Variants in TMEM131L observed in about 807,000 individuals in gnomAD.
The protein encoded by TMEM131L is transmembrane protein 131-like.
A neutral mutation model predicts 192.2 loss-of-function variants in TMEM131L; 54 were observed. The ratio of observed to expected loss-of-function variants is 0.28; its 90% CI spans 0.23 to 0.35. The LOEUF is 0.35. Among genes scored for constraint, TMEM131L ranks in the 10% least tolerant of loss-of-function variants. TMEM131L has a pLI of 1.00. For synonymous variants in TMEM131L, 701 were observed against 704.9 expected (o/e 0.99, Z 0.09); for missense variants, 1,888 against 1,972.9 (o/e 0.96, Z 0.82).
At chr4:153,583,419 G>T in intron 10 of TMEM131L, 145 bp from the exon 11 acceptor site, 1 of 759,954 alleles carries the variant, frequency 1.3e-6, no homozygotes. Flanking sequence ...AAGATTGTCA[G>T]CATCCCCTCC....
chr4:153,484,031 G>T (rs1393248211), intron 3 of TMEM131L, among the ~76,000 whole-genome samples: 5 of 152,162 alleles, frequency 3.3e-5, no homozygotes, highest in Non-Finnish European at 7.4e-5. Context: ...AGCAGAGCTT[G>T]GAGTTTCCAG....
chr4:153,579,168 C>G (rs1389011545), intron 7 of TMEM131L, among the ~76,000 whole-genome samples: 3 of 151,758 alleles, frequency 2.0e-5, no homozygotes. Flanking sequence ...CAAAACCAGC[C>G]TGGGAAATAT....
intron 7 of TMEM131L, among the ~76,000 whole-genome samples, chr4:153,570,757 C>T (rs1312502797): frequency 6.6e-6 from 1 of 152,158 alleles, no homozygotes; most frequent in African/African-American, 2.4e-5. Flanking sequence ...TCACTGTGGA[C>T]TTGCGGGGGC....
At chr4:153,472,390 A>G (rs1024471865) in intron 2 of TMEM131L, among the ~76,000 whole-genome samples, 1 of 152,188 alleles carries the variant, frequency 6.6e-6, no homozygotes, top group Non-Finnish European at 1.5e-5. Context: ...ATTTTGATTT[A>G]GAAAAAGTTG....
intron 3 of TMEM131L, among the ~76,000 whole-genome samples, chr4:153,528,250 A>G (rs1460394328): frequency 1.3e-5 from 2 of 152,232 alleles, no homozygotes; most frequent in African/African-American, 4.8e-5. Flanking sequence ...CAGCCTACGA[A>G]AACAGAACAG....
chr4:153,525,865 AT>A (rs370695953), intron 3 of TMEM131L, among the ~76,000 whole-genome samples: 5 of 146,914 alleles, frequency 3.4e-5, no homozygotes, highest in East Asian at 2.0e-4. Context: ...TTTTATTTTT[AT>A]TTTTTTTTTG....
At chr4:153,582,382 C>T (rs1167335559) in intron 9 of TMEM131L, among the ~76,000 whole-genome samples, 2 of 149,054 alleles carry the variant, frequency 1.3e-5, no homozygotes, top group African/African-American at 5.0e-5. Flanking sequence ...GTAGCTGGGA[C>T]CACAGGCGCA....
intron 3 of TMEM131L, among the ~76,000 whole-genome samples, chr4:153,481,600 A>G (rs1007146134): frequency 6.6e-6 from 1 of 152,146 alleles, no homozygotes; most frequent in East Asian, 1.9e-4. Context: ...CAGTGGCATC[A>G]TCTTAGCTCA....
chr4:153,599,026 A>G (rs1731644403), intron 21 of TMEM131L, among the ~76,000 whole-genome samples: 1 of 151,038 alleles, frequency 6.6e-6, no homozygotes, highest in African/African-American at 2.4e-5. Flanking sequence ...CTGTAAAGAA[A>G]TTCCTGAAAC....
intron 3 of TMEM131L, among the ~76,000 whole-genome samples, chr4:153,501,043 G>C (rs1733569679): frequency 6.6e-6 from 1 of 152,172 alleles, no homozygotes; most frequent in South Asian, 2.1e-4. Context: ...ACTGATGAAA[G>C]TGGAAGATTA....
chr4:153,559,410 A>G (rs1728702969), intron 7 of TMEM131L, among the ~76,000 whole-genome samples: 1 of 152,164 alleles, frequency 6.6e-6, no homozygotes, highest in South Asian at 2.1e-4. Flanking sequence ...TAAGCAGGAG[A>G]CTGATACTGA....
At chr4:153,566,518 A>AGTGTGTGTGTGTGT (rs35949558) in intron 7 of TMEM131L, among the ~76,000 whole-genome samples, 1 of 145,758 alleles carries the variant, frequency 6.9e-6, no homozygotes, top group East Asian at 2.0e-4. Flanking sequence ...TGTGAGTGTG[A>AGTGTGTGTGTGTGT]GTGTGTGTGT....
At chr4:153,483,021 CTTAA>C (rs1732055445) in intron 3 of TMEM131L, among the ~76,000 whole-genome samples, 1 of 151,838 alleles carries the variant, frequency 6.6e-6, no homozygotes, top group South Asian at 2.1e-4. Context: ...TAAAGAATTA[CTTAA>C]TTCTTTAAGA....
rs772982364 is a variant in TMEM131L, at chr4:153,604,318, A to G, written c.3306A>G (p.Glu1102=). 3.7e-6 allele frequency: 6 copies of G among 1,614,166 alleles called. No homozygotes were observed. In the East Asian group the frequency reaches 1.3e-4, roughly 36 times the overall value. The change falls in exon 25 of 35, where the codon GAA becomes GAG. Residue 1102 remains glutamate, a synonymous_variant. Coordinates refer to ENST00000409959, the MANE Select transcript of TMEM131L (RefSeq NM_001131007.2). ...CAGAGAACACAGCCGAGTTCAAGGAACGGGAGCTCTGTCCACTGAAGACCT... is the reference window on the plus strand; with the variant it reads ...CAGAGAACACAGCCGAGTTCAAGGAGCGGGAGCTCTGTCCACTGAAGACCT... The part of the protein sequence containing the change: ...KTSENTAEFK[E]RELCPLKTSK...
At chr4:153,542,462 A>G (rs1736860199) in intron 3 of TMEM131L, among the ~76,000 whole-genome samples, 1 of 152,162 alleles carries the variant, frequency 6.6e-6, no homozygotes, top group African/African-American at 2.4e-5. Flanking sequence ...AGGGGCTGTG[A>G]ATGCACGATC....
chr4:153,598,741 A>G lies in TMEM131L; in HGVS notation c.2266+9A>G, dbSNP rs1177088116. ...GATGGACTGCCGTAGACGTGAGTTC[A>G]TATGTGTGGCACTCTGACAGGGGAG... On this transcript the variant is annotated intron_variant, in intron 21 of 34. Transcript: ENST00000409959. 5.6e-6 allele frequency: 9 copies of G among 1,599,702 alleles called. No individual in the cohort carries two copies. The highest frequency in any genetic ancestry group is 1.3e-5 in the African/African-American group (1 of 74,544).
chr4:153,591,286 T>C lies in TMEM131L; in HGVS notation c.1812+92T>C, dbSNP rs554317519. On this transcript the variant is annotated intron_variant, in intron 17 of 34. Transcript: ENST00000409959. Reference sequence around the variant, plus strand: ...AGATTGTGTCCACCTTTAGCTACCATTTCAAAGCCAAAATTAAGGCGATGT... The same window carrying C: ...AGATTGTGTCCACCTTTAGCTACCACTTCAAAGCCAAAATTAAGGCGATGT... 1.1e-5 allele frequency: 14 copies of C among 1,229,552 alleles called. No individual in the cohort carries two copies. In the African/African-American group the frequency reaches 2.0e-4, roughly 18 times the overall value. 76.2% of individuals were successfully genotyped at this position (1,229,552 alleles called of 1,614,324 possible).
chr4:153,623,944 G>A (rs945271365), intron 29 of TMEM131L, among the ~76,000 whole-genome samples: 6 of 151,520 alleles, frequency 4.0e-5, no homozygotes, highest in African/African-American at 9.7e-5. Flanking sequence ...CTTCCCAAGA[G>A]AATCACTGTT....
intron 2 of TMEM131L, among the ~76,000 whole-genome samples, chr4:153,473,469 G>C (rs1384855194): frequency 6.6e-6 from 1 of 152,152 alleles, no homozygotes; most frequent in Non-Finnish European, 1.5e-5. Context: ...GGAGGTGAAG[G>C]GAGGAGAGCA....
Sources: allele counts gnomAD v4.1 joint callset (sites outside exome capture counted in the v4.1 genomes callset), GRCh38; gene constraint gnomAD v4.1.1; transcripts MANE v1.5; gene names NCBI Gene and HGNC (gene_info 2026-07-23, HGNC 2026-07-21).